Variants in PNMA2 observed in about 807,000 individuals in gnomAD.
The protein encoded by PNMA2 is paraneoplastic antigen Ma2.
For synonymous variants in PNMA2, 175 were observed against 183.5 expected (o/e 0.95, Z 0.38); for missense variants, 455 against 452.9 (o/e 1.00, Z -0.04).
At position 26,505,922 on chromosome 8, in the gene PNMA2, G is replaced by A. The variant is rs56024323; in HGVS notation, c.*1739C>T. 52,125 of 151,968 alleles carry A rather than the reference G, an allele frequency of 0.34. 9,406 individuals are homozygous for A. The highest frequency in any genetic ancestry group is 0.44 in the South Asian group (2,143 of 4,818). The allele number at this position is 151,968 out of a possible 1,614,324, so 9.4% of individuals were successfully genotyped here. ...ACGAAATCGCTTGAACCTGGGAGGC[G>A]GAGGTTGCAGTGAGCTGAGATTGCA... On this transcript the variant is annotated 3_prime_UTR_variant, in exon 3 of 3. Coordinates refer to ENST00000522362, the MANE Select transcript of PNMA2 (RefSeq NM_007257.6).
Position 26,504,740 on chromosome 8 carries a change from A to G in PNMA2, c.*2921T>C, listed in dbSNP as rs1202343359. ...ATTTATTTTATAACTTCACATTTAT[A>G]ACATTTTACTTTGTATACCGCCAAT... is the stretch of plus-strand genomic sequence containing the variant. On this transcript the variant is annotated 3_prime_UTR_variant, in exon 3 of 3. Coordinates refer to ENST00000522362, the MANE Select transcript of PNMA2 (RefSeq NM_007257.6). 1 of 152,654 alleles carries G rather than the reference A, an allele frequency of 6.6e-6. No individual in the cohort carries two copies. The highest frequency in any genetic ancestry group is 1.5e-5 in the Non-Finnish European group (1 of 68,038). The allele number at this position is 152,654 out of a possible 1,614,324, so 9.5% of individuals were successfully genotyped here.
chr8:26,508,900 A>G lies in PNMA2; in HGVS notation c.-145T>C. On this transcript the variant is annotated 5_prime_UTR_variant, in exon 3 of 3. Coordinates refer to ENST00000522362, the MANE Select transcript of PNMA2 (RefSeq NM_007257.6). The surrounding 1 kb of genome is among the most constrained non-coding windows in gnomAD (Gnocchi z 5.5). ...AATGGGTCCCAGACTAGGTCACTCAAAGACAGTCACAAAGTTTTCTGGACA... is the reference window on the plus strand; with the variant it reads ...AATGGGTCCCAGACTAGGTCACTCAGAGACAGTCACAAAGTTTTCTGGACA... 4 of 1,488,890 alleles carry G rather than the reference A, an allele frequency of 2.7e-6. No individual in the cohort carries two copies. The highest frequency in any genetic ancestry group is 3.6e-6 in the Non-Finnish European group (4 of 1,121,482). 92.2% of individuals were successfully genotyped at this position (1,488,890 alleles called of 1,614,324 possible).
In PNMA2 at chr8:26,504,789, T is replaced by C. The variant is rs1585476323; in HGVS notation, c.*2872A>G. The C allele has an allele frequency of 6.5e-6, 1 of 152,748 alleles. No homozygotes were observed. The highest frequency in any genetic ancestry group is 2.1e-4 in the South Asian group (1 of 4,826). 9.5% of individuals were successfully genotyped at this position (152,748 alleles called of 1,614,324 possible). ...ATAAATGACAATGAAACTATTTTCA[T>C]AAATACAAAAACACATGAAATTAGG... On this transcript the variant is annotated 3_prime_UTR_variant, in exon 3 of 3. Transcript: ENST00000522362.
Position 26,507,759 on chromosome 8 carries a change from C to A in PNMA2, c.997G>T (p.Glu333Ter). ...AAGGAGGCCTCTTCCTCCTCTTCTTCCCGTATTACCTTCATTAGCTCAAGG... is the reference window on the plus strand; with the variant it reads ...AAGGAGGCCTCTTCCTCCTCTTCTTACCGTATTACCTTCATTAGCTCAAGG... ...SFLELMKVIR[E>*]EEEEEASFEN... The change falls in exon 3 of 3, where the codon GAA becomes TAA. Residue 333 changes from glutamate (E) to a stop codon, truncating the protein, a stop_gained. Transcript: ENST00000522362. LOFTEE classifies it low-confidence loss of function (END_TRUNC). The A allele has an allele frequency of 6.2e-7, 1 of 1,613,272 alleles. No homozygotes were observed. Among genetic ancestry groups the A allele is most frequent in the Non-Finnish European group, 8.5e-7 (1 of 1,179,712 alleles).
rs1808068287 is a variant in PNMA2, at chr8:26,507,734, A to G, written c.1022T>C (p.Phe341Ser). The G allele has an allele frequency of 1.9e-6, 3 of 1,609,700 alleles. No individual in the cohort carries two copies. The highest frequency in any genetic ancestry group is 2.2e-5 in the East Asian group (1 of 44,854). ...IREEEEEEASFENESIEEPEE... is the reference protein window; with the variant it reads ...IREEEEEEASSENESIEEPEE... ...TGGCTCTTCGATACTCTCATTCTCA[A>G]AGGAGGCCTCTTCCTCCTCTTCTTC... Residue 341 changes from phenylalanine to serine, a missense_variant, in exon 3 of 3, where the codon TTT becomes TCT. Phe to Ser is a radical substitution (Grantham distance 155, BLOSUM62 -2). Transcript: ENST00000522362.
rs1396372816 is a variant in PNMA2 at position 26,508,693 on chromosome 8, C to A, written c.63G>T (p.Leu21=). 6.2e-6 allele frequency: 10 copies of A among 1,614,090 alleles called. No individual in the cohort carries two copies. Among genetic ancestry groups the A allele is most frequent in the Non-Finnish European group, 8.5e-6 (10 of 1,180,036 alleles). Residue 21 remains leucine, a synonymous_variant, in exon 3 of 3, where the codon CTG becomes CTT. Coordinates refer to ENST00000522362, the MANE Select transcript of PNMA2 (RefSeq NM_007257.6). The surrounding 1 kb of genome is among the most constrained non-coding windows in gnomAD (Gnocchi z 5.5). The part of the protein sequence containing the change: ...RIMSVDEQKS[L]MVTGIPADFE... The stretch of plus-strand genomic sequence containing the variant: ...AGTCCGCCGGTATCCCCGTAACCAT[C>A]AGTGACTTCTGCTCATCCACACTCA...
At chr8:26,512,935 C>T (rs1808188118) in intron 1 of PNMA2, 1 of 152,328 alleles carries the variant, frequency 6.6e-6, no homozygotes, top group Non-Finnish European at 1.5e-5. Flanking sequence ...CACATCCTAC[C>T]TCCTACTCCG....
chr8:26,510,945 A>C (rs1039406682), intron 1 of PNMA2, among the ~76,000 whole-genome samples: 1 of 152,070 alleles, frequency 6.6e-6, no homozygotes, highest in Non-Finnish European at 1.5e-5. Flanking sequence ...TGAGGTCAGG[A>C]ATTCGAAACC....
chr8:26,511,369 G>T (rs193289892), intron 1 of PNMA2, among the ~76,000 whole-genome samples: 1 of 152,192 alleles, frequency 6.6e-6, no homozygotes, highest in Non-Finnish European at 1.5e-5. Flanking sequence ...GGCACCAGGG[G>T]TGCCAGAGAG....
At position 26,507,555 on chromosome 8, in the gene PNMA2, G is replaced by A. The variant is rs1808063656; in HGVS notation, c.*106C>T. ...GGGAGGGAAGGAAGGAAGGAAGGAA[G>A]GTCAATAATTGGCTTTCATGGTTTG... On this transcript the variant is annotated 3_prime_UTR_variant, in exon 3 of 3. Transcript: ENST00000522362. 2 of 940,592 alleles carry A rather than the reference G, an allele frequency of 2.1e-6. No individual in the cohort carries two copies. Among genetic ancestry groups the A allele is most frequent in the Non-Finnish European group, 1.6e-6 (1 of 642,588 alleles). The allele number at this position is 940,592 out of a possible 1,614,324, so 58.3% of individuals were successfully genotyped here. A position where few individuals can be genotyped will look rare whatever the true frequency, so the allele number is the denominator to read the frequency against.
Position 26,508,700 on chromosome 8 carries a change from T to G in PNMA2, c.56A>C (p.Lys19Thr), listed in dbSNP as rs1371952674. The change falls in exon 3 of 3, where the codon AAG (lysine) becomes ACG (threonine). Residue 19 changes from lysine (K) to threonine (T), a missense_variant. Transcript: ENST00000522362. This position sits in a 1 kb window ranked among gnomAD's most constrained non-coding sequence, Gnocchi z 5.5. Reference sequence around the variant, plus strand: ...CGGTATCCCCGTAACCATCAGTGACTTCTGCTCATCCACACTCATTATCCT... The same window carrying G: ...CGGTATCCCCGTAACCATCAGTGACGTCTGCTCATCCACACTCATTATCCT... Reference protein sequence around the residue: ...WCRIMSVDEQKSLMVTGIPAD... With the variant: ...WCRIMSVDEQTSLMVTGIPAD... 1.2e-6 allele frequency: 2 copies of G among 1,614,054 alleles called. No homozygotes were observed. Among genetic ancestry groups the G allele is most frequent in the Non-Finnish European group, 1.7e-6 (2 of 1,180,032 alleles).
chr8:26,508,910 C>T lies in PNMA2; in HGVS notation c.-155G>A. ...AGACTAGGTCACTCAAAGACAGTCA[C>T]AAAGTTTTCTGGACAAATGACCCTG... is the stretch of plus-strand genomic sequence containing the variant. On this transcript the variant is annotated 5_prime_UTR_variant, in exon 3 of 3. The change creates a new upstream start codon in the 5' untranslated region. Coordinates refer to ENST00000522362, the MANE Select transcript of PNMA2 (RefSeq NM_007257.6). The surrounding 1 kb of genome is among the most constrained non-coding windows in gnomAD (Gnocchi z 5.5). The T allele has an allele frequency of 6.8e-7, 1 of 1,478,250 alleles. No individual in the cohort carries two copies. Among genetic ancestry groups the T allele is most frequent in the Non-Finnish European group, 9.0e-7 (1 of 1,116,350 alleles). The allele number at this position is 1,478,250 out of a possible 1,614,324, so 91.6% of individuals were successfully genotyped here.
In PNMA2 at chr8:26,508,214, AAGG is replaced by A; in HGVS notation, c.539_541del (p.Ser180del). The A allele has an allele frequency of 6.2e-7, 1 of 1,610,298 alleles. No homozygotes were observed. Among genetic ancestry groups the A allele is most frequent in the Non-Finnish European group, 8.5e-7 (1 of 1,178,004 alleles). Reference sequence around the variant, plus strand: ...CGTGGCCTGTTCCAACCAGACCTCAAAGGACTCTTCCTCTGGGGCTGGGACAGC... The same window carrying A: ...CGTGGCCTGTTCCAACCAGACCTCAAACTCTTCCTCTGGGGCTGGGACAGC... On this transcript the variant is annotated inframe_deletion, in exon 3 of 3. Transcript: ENST00000522362. This position sits in a 1 kb window ranked among gnomAD's most constrained non-coding sequence, Gnocchi z 5.5.
At chr8:26,513,262 T>C (rs1430816641) in intron 1 of PNMA2, among the ~76,000 whole-genome samples, 2 of 151,950 alleles carry the variant, frequency 1.3e-5, no homozygotes, top group Non-Finnish European at 2.9e-5. Flanking sequence ...CTTTAAGTCG[T>C]GGCCCTGGGC....
In PNMA2 at chr8:26,507,934, G is replaced by T; in HGVS notation, c.822C>A (p.Thr274=). The change falls in exon 3 of 3, where the codon ACC becomes ACA. Residue 274 remains threonine, a synonymous_variant. Transcript: ENST00000522362. The part of the protein sequence containing the change: ...KVSAYVLRLE[T]LLRRAVEKRA... ...GTTTCTCCACCGCTCTCCGGAGCAG[G>T]GTTTCTAGCCGTAACACATAGGCTG... 3.7e-6 allele frequency: 6 copies of T among 1,614,130 alleles called. No individual in the cohort carries two copies. The highest frequency in any genetic ancestry group is 5.1e-6 in the Non-Finnish European group (6 of 1,180,046).
chr8:26,505,919 G>A lies in PNMA2; in HGVS notation c.*1742C>T, dbSNP rs1205274819. On this transcript the variant is annotated 3_prime_UTR_variant, in exon 3 of 3. Coordinates refer to ENST00000522362, the MANE Select transcript of PNMA2 (RefSeq NM_007257.6). ...GGCACGAAATCGCTTGAACCTGGGA[G>A]GCGGAGGTTGCAGTGAGCTGAGATT... The A allele has an allele frequency of 6.6e-6, 1 of 152,202 alleles. No individual in the cohort carries two copies. The highest frequency in any genetic ancestry group is 2.4e-5 in the African/African-American group (1 of 41,434). The allele number at this position is 152,202 out of a possible 1,614,324, so 9.4% of individuals were successfully genotyped here.
intron 1 of PNMA2, chr8:26,511,803 T>C (rs1808160119): frequency 6.6e-6 from 1 of 151,972 alleles, no homozygotes; most frequent in African/African-American, 2.4e-5. Flanking sequence ...AAAAACCAGC[T>C]GGGGGCAACC....
chr8:26,511,555 A>C (rs1808154375), intron 1 of PNMA2: 1 of 152,432 alleles, frequency 6.6e-6, no homozygotes, highest in Non-Finnish European at 1.5e-5. Context: ...CGGGAGGATC[A>C]CTTGAGCCCA....
In PNMA2 at chr8:26,507,885, C is replaced by T; in HGVS notation, c.871G>A (p.Asp291Asn). The change falls in exon 3 of 3, where the codon GAC becomes AAC. Residue 291 changes from aspartate (D) to asparagine (N), a missense_variant. Coordinates refer to ENST00000522362, the MANE Select transcript of PNMA2 (RefSeq NM_007257.6). ...EKRAIPRRIA[D>N]QVRLEQVMAG... ...ATGACCTGCTCCAGGCGGACCTGGT[C>T]CGCAATACGCCGAGGGATGGCGCGT... is the stretch of plus-strand genomic sequence containing the variant. 6.2e-7 allele frequency: 1 copy of T among 1,614,200 alleles called. No homozygotes were observed. Among genetic ancestry groups the T allele is most frequent in the Non-Finnish European group, 8.5e-7 (1 of 1,180,038 alleles).
Sources: allele counts gnomAD v4.1 joint callset (sites outside exome capture counted in the v4.1 genomes callset), GRCh38; gene constraint gnomAD v4.1.1; non-coding constraint Gnocchi (gnomAD v3.1); transcripts MANE v1.5; gene names NCBI Gene and HGNC (gene_info 2026-07-23, HGNC 2026-07-21).